The following PTPRT variants were observed in gnomAD, a reference collection of about 807,000 sequenced individuals.
The protein encoded by PTPRT is receptor-type tyrosine-protein phosphatase T.
A neutral mutation model predicts 176.8 loss-of-function variants in PTPRT; 56 were observed. The observed-to-expected ratio is 0.32, with a 90% confidence interval of 0.26 to 0.40. The LOEUF (loss-of-function observed/expected upper bound fraction) is 0.40, where lower values mean the gene tolerates loss of function less well. PTPRT is among the 10% of genes least tolerant of loss of function. The pLI is 1.00. For synonymous variants in PTPRT, 783 were observed against 739.0 expected, an observed-to-expected ratio of 1.06 and a Z score of -0.96; for missense variants, 1,540 against 1,908.2, an observed-to-expected ratio of 0.81 and a Z score of 3.60.
intron 7 of PTPRT, among the ~76,000 whole-genome samples, chr20:42,553,642 C>A (rs2072808692): frequency 6.6e-6 from 1 of 152,140 alleles, no homozygotes; most frequent in South Asian, 2.1e-4. Flanking sequence ...CACACTTTCA[C>A]TTTCTCTCCC....
At chr20:42,267,450 A>C (rs941028909) in intron 13 of PTPRT, among the ~76,000 whole-genome samples, 2 of 152,342 alleles carry the variant, frequency 1.3e-5, no homozygotes, top group Admixed American at 6.5e-5. Context: ...AATTAGCTTC[A>C]CCTGTTTCTT....
At chr20:42,898,115 C>T (rs554867122) in intron 1 of PTPRT, among the ~76,000 whole-genome samples, 1 of 152,326 alleles carries the variant, frequency 6.6e-6, no homozygotes, top group East Asian at 1.9e-4. Context: ...TCACCCCTTA[C>T]TACTGTGTGA....
chr20:43,100,034 G>C (rs1030683726), intron 1 of PTPRT, among the ~76,000 whole-genome samples: 1 of 152,174 alleles, frequency 6.6e-6, no homozygotes, highest in African/African-American at 2.4e-5. Flanking sequence ...GTATTACATA[G>C]AGGGAGGTTT....
intron 2 of PTPRT, among the ~76,000 whole-genome samples, chr20:42,798,910 C>T (rs895983106): frequency 1.3e-5 from 2 of 151,858 alleles, no homozygotes; most frequent in African/African-American, 4.8e-5. Flanking sequence ...CTCTGCTAAC[C>T]GGTGCTGGAT....
chr20:42,444,826 T>C (rs929919008), intron 9 of PTPRT, among the ~76,000 whole-genome samples: 1 of 152,196 alleles, frequency 6.6e-6, no homozygotes, highest in Admixed American at 6.5e-5. Context: ...TCTAATTAAA[T>C]TTGTAAATTG....
chr20:42,185,804 C>T lies in PTPRT; in HGVS notation c.2491+13436G>A, dbSNP rs765629236. Among the ~76,000 whole-genome samples, 4 of 152,290 alleles carry T rather than the reference C, an allele frequency of 2.6e-5. No individual in the cohort carries two copies. In the South Asian group the frequency reaches 6.2e-4, roughly 24 times the overall value. ...TCAGGTATTCATTCTGTGCCACATG[C>T]TGTGCCACATGTTGAGGATACAGTA... On this transcript the variant is annotated intron_variant, in intron 16 of 30. Transcript: ENST00000373187.
chr20:42,872,474 T>C (rs534331423), intron 2 of PTPRT, among the ~76,000 whole-genome samples: 1 of 152,310 alleles, frequency 6.6e-6, no homozygotes, highest in Non-Finnish European at 1.5e-5. Flanking sequence ...AGATTGTACG[T>C]CAGGTGCCCT....
At chr20:42,136,076 A>C (rs977106095) in intron 18 of PTPRT, among the ~76,000 whole-genome samples, 1 of 152,030 alleles carries the variant, frequency 6.6e-6, no homozygotes, top group African/African-American at 2.4e-5. Flanking sequence ...CCCTCCCTCC[A>C]TCACCAAAGA....
chr20:42,618,954 T>C (rs533773081), intron 7 of PTPRT, among the ~76,000 whole-genome samples: 1 of 152,102 alleles, frequency 6.6e-6, no homozygotes, highest in South Asian at 2.1e-4. Context: ...AAAGTTAGTA[T>C]TTTTATATGT....
At chr20:42,034,231 G>C in the PTPRT span, among the ~76,000 whole-genome samples, 4 of 152,118 alleles carry the variant, frequency 2.6e-5, no homozygotes, top group South Asian at 8.3e-4. Context: ...AGCTCACGTG[G>C]TGGCTGGCAG....
Position 42,114,541 on chromosome 20 carries a change from C to T in PTPRT, c.3099+658G>A, listed in dbSNP as rs73909219. 3.7e-3 allele frequency among the ~76,000 whole-genome samples: 559 copies of T among 152,310 alleles called. 4 individuals carry two copies. The highest frequency in any genetic ancestry group is 0.013 in the African/African-American group (529 of 41,564). ...TTTTAATGTCCAGACCAGCATTTCTCAACCTCGACACTACTGATGCCTTGG... is the reference window on the plus strand; with the variant it reads ...TTTTAATGTCCAGACCAGCATTTCTTAACCTCGACACTACTGATGCCTTGG... On this transcript the variant is annotated intron_variant, in intron 22 of 30. Coordinates refer to ENST00000373187, the MANE Select transcript of PTPRT (RefSeq NM_007050.6).
At chr20:43,156,798 T>C (rs766582845) in intron 1 of PTPRT, among the ~76,000 whole-genome samples, 3 of 152,200 alleles carry the variant, frequency 2.0e-5, no homozygotes, top group Non-Finnish European at 4.4e-5. Context: ...CTGGAGTGTC[T>C]GAGATCATTG....
chr20:42,479,020 C>T (rs1223881270), intron 7 of PTPRT, among the ~76,000 whole-genome samples: 3 of 152,190 alleles, frequency 2.0e-5, no homozygotes, highest in African/African-American at 7.2e-5. Context: ...GATCTCCTTA[C>T]ACTCCAATTG....
At chr20:42,277,884 T>TCATCCATC (rs60397646) in intron 13 of PTPRT, among the ~76,000 whole-genome samples, 7,106 of 139,702 alleles carry the variant, frequency 0.051, 215 homozygotes, top group South Asian at 0.099. Context: ...AGTCATCCAC[T>TCATCCATC]CATCCATCCA....
chr20:43,054,334 G>C (rs138459488), intron 1 of PTPRT, among the ~76,000 whole-genome samples: 45 of 152,212 alleles, frequency 3.0e-4, no homozygotes, highest in African/African-American at 1.1e-3. Flanking sequence ...TGGGCAGATG[G>C]CTTGAATCCA....
At chr20:42,606,191 C>T (rs913169535) in intron 7 of PTPRT, among the ~76,000 whole-genome samples, 1 of 152,036 alleles carries the variant, frequency 6.6e-6, no homozygotes, top group Admixed American at 6.6e-5. Context: ...ACCTCTAATT[C>T]CCTGAGGGAC....
Position 42,885,905 on chromosome 20 carries a change from C to T in PTPRT, c.116G>A (p.Ser39Asn). ...AGGCSFDEHY[S>N]NCGYSVALGT... ...TAGAGCCACACTATAACCACAGTTG[C>T]TGTAGTGCTCATCAAAGGAACAGCC... Residue 39 changes from serine (S) to asparagine (N), a missense_variant, in exon 2 of 31, where the codon AGC becomes AAC. Around this residue, in one of 11 missense-constraint regions of PTPRT, gnomAD observed 116 missense variants for 118.5 expected, o/e 0.98. Transcript: ENST00000373187. 1 of 1,609,926 alleles carries T rather than the reference C, an allele frequency of 6.2e-7. No individual in the cohort carries two copies. Among genetic ancestry groups the T allele is most frequent in the Non-Finnish European group, 8.5e-7 (1 of 1,177,258 alleles).
chr20:42,490,347 TC>T (rs2071540602), intron 7 of PTPRT, among the ~76,000 whole-genome samples: 1 of 152,180 alleles, frequency 6.6e-6, no homozygotes, highest in African/African-American at 2.4e-5. Flanking sequence ...TGTAATATCT[TC>T]CCATCCATGG....
Position 43,170,621 on chromosome 20 carries a change from T to C in PTPRT, c.88+19025A>G, listed in dbSNP as rs114721687. Among the ~76,000 whole-genome samples, 463 of 152,338 alleles carry C rather than the reference T, an allele frequency of 3.0e-3. 2 individuals carry two copies. Among genetic ancestry groups the C allele is most frequent in the African/African-American group, 0.011 (445 of 41,576 alleles). ...ATAATATTATAACCACCACTGCTAC[T>C]ATCCCTCACCAGGTATTTGACATGC... On this transcript the variant is annotated intron_variant, in intron 1 of 30. Transcript: ENST00000373187.
Sources: allele counts gnomAD v4.1 joint callset (sites outside exome capture counted in the v4.1 genomes callset), GRCh38; gene constraint gnomAD v4.1.1; regional missense constraint gnomAD v4.1.1; transcripts MANE v1.5; gene names NCBI Gene and HGNC (gene_info 2026-07-23, HGNC 2026-07-21).